Variants in C10orf105 observed in about 807,000 individuals in gnomAD.
C10orf105 encodes uncharacterized protein C10orf105.
C10orf105 carries 2 observed loss-of-function variants against 0.6 expected under a neutral mutation model. That is an observed-to-expected ratio of 3.18 (90% CI 1.30 to 10.01). C10orf105 has a LOEUF of 10.01. Among genes scored for constraint, C10orf105 ranks in the 30% most tolerant of loss-of-function variants. The probability of loss-of-function intolerance (pLI) is 0.04; values close to 1 mark genes in which losing one functional copy is unlikely to be tolerated. For missense variants in C10orf105, 209 were observed against 191.4 expected (o/e 1.09, Z -0.54); for synonymous variants, 95 against 82.4 (o/e 1.15, Z -0.83).
rs1286755074 is a variant in C10orf105, at chr10:71,713,066, C to T, written c.*2870G>A. On this transcript the variant is annotated 3_prime_UTR_variant, in exon 2 of 2. Transcript: ENST00000441508. ...ACAAACAGGAGGAAGACTTGGCCTC[C>T]CCCTGCATATCTCCCGCCCCACCCA... The T allele has an allele frequency of 1.3e-6, 1 of 743,800 alleles. No individual in the cohort carries two copies. Among genetic ancestry groups the T allele is most frequent in the East Asian group, 2.6e-5 (1 of 38,970 alleles). 46.1% of individuals were successfully genotyped at this position (743,800 alleles called of 1,614,324 possible).
At chr10:71,720,830 A>G (rs1866523130), upstream of C10orf105, among the ~76,000 whole-genome samples, 1 of 152,130 alleles carries the variant, frequency 6.6e-6, no homozygotes, top group Non-Finnish European at 1.5e-5. Flanking sequence ...AGGCCCAGAG[A>G]GGTGTGACCT....
chr10:71,715,718 A>G lies in C10orf105; in HGVS notation c.*218T>C, dbSNP rs367543357. 4.8e-4 allele frequency: 204 copies of G among 424,262 alleles called. No homozygotes were observed. Among genetic ancestry groups the G allele is most frequent in the Admixed American group, 1.5e-3 (37 of 24,954 alleles). 26.3% of individuals were successfully genotyped at this position (424,262 alleles called of 1,614,324 possible). On this transcript the variant is annotated 3_prime_UTR_variant, in exon 2 of 2. Coordinates refer to ENST00000441508, the MANE Select transcript of C10orf105 (RefSeq NM_001164375.3). ...TCTCTTGACCAGAAGTCTTTCATCA[A>G]GCAGCAGCGAGGGGGTCTGCAGAGA...
intron 1 of C10orf105, among the ~76,000 whole-genome samples, chr10:71,725,126 G>T (rs572193343): frequency 3.9e-4 from 60 of 152,352 alleles, no homozygotes; most frequent in African/African-American, 1.3e-3. Context: ...CAAGATGAAG[G>T]CTTTCAGGAA....
rs886047136 is a variant in C10orf105, at chr10:71,732,276, C to G, written c.-6+5452G>C. On this transcript the variant is annotated intron_variant, in intron 1 of 1. Coordinates refer to the C10orf105 transcript ENST00000398786. ...CACTGGGTACTGAGATTGTGCGGGT[C>G]CAGGCCTACTCCATCGACAACCTCA... 6.2e-7 allele frequency: 1 copy of G among 1,613,326 alleles called. No individual in the cohort carries two copies. Among genetic ancestry groups the G allele is most frequent in the Non-Finnish European group, 8.5e-7 (1 of 1,179,564 alleles).
chr10:71,734,876 G>A lies in C10orf105; in HGVS notation c.-6+2852C>T, dbSNP rs558278814. Among the ~76,000 whole-genome samples the A allele has an allele frequency of 5.3e-5, 8 of 152,368 alleles. No homozygotes were observed. In the East Asian group the frequency reaches 1.5e-3, roughly 29 times the overall value. On this transcript the variant is annotated intron_variant, in intron 1 of 1. Coordinates refer to the C10orf105 transcript ENST00000398786. The stretch of plus-strand genomic sequence containing the variant: ...AACTCTGTCCTCTGTGTCTTGCCTA[G>A]CCCCGGTAGGGTCTTGGGTGGGGAG...
At chr10:71,723,295 G>A (rs1351260000), upstream of C10orf105, among the ~76,000 whole-genome samples, 1 of 152,154 alleles carries the variant, frequency 6.6e-6, no homozygotes, top group Non-Finnish European at 1.5e-5. Flanking sequence ...TTCAGTTATT[G>A]GCTTGACAGG....
intron 1 of C10orf105, among the ~76,000 whole-genome samples, chr10:71,729,173 T>C (rs1186928739): frequency 6.6e-6 from 1 of 152,220 alleles, no homozygotes; most frequent in Non-Finnish European, 1.5e-5. Context: ...GTTCATGATG[T>C]ACAGTGCACA....
intron 1 of C10orf105, among the ~76,000 whole-genome samples, chr10:71,735,865 G>C (rs1839549546): frequency 1.3e-5 from 2 of 152,220 alleles, no homozygotes; most frequent in South Asian, 4.1e-4. Flanking sequence ...GCTCCCCAAG[G>C]GCAGCCGGTG....
In C10orf105 at chr10:71,731,428, C is replaced by T. The variant is rs140040447; in HGVS notation, c.-6+6300G>A. 7.8e-4 allele frequency among the ~76,000 whole-genome samples: 119 copies of T among 152,306 alleles called. No individual in the cohort carries two copies. In the East Asian group the frequency reaches 0.019, roughly 24 times the overall value. On this transcript the variant is annotated intron_variant, in intron 1 of 1. Transcript: ENST00000398786. Reference sequence around the variant, plus strand: ...ATGTTAGGAGAGTTTAGGGCACATACGCGGCTGTGGCCCCTTGAGGTCTGT... The same window carrying T: ...ATGTTAGGAGAGTTTAGGGCACATATGCGGCTGTGGCCCCTTGAGGTCTGT...
intron 1 of C10orf105, among the ~76,000 whole-genome samples, chr10:71,725,864 C>T (rs1375253160): frequency 6.6e-6 from 1 of 151,388 alleles, no homozygotes; most frequent in East Asian, 1.9e-4. Context: ...GGTACAGATG[C>T]TAACCTCATT....
chr10:71,712,500 A>C lies in C10orf105; in HGVS notation c.*3436T>G. On this transcript the variant is annotated 3_prime_UTR_variant, in exon 2 of 2. Coordinates refer to ENST00000441508, the MANE Select transcript of C10orf105 (RefSeq NM_001164375.3). ...TGTTATCTAAGTATTTGATACTGTT[A>C]GTGTTATTCCTAAGCTAAAAAGGAA... 1.5e-6 allele frequency: 1 copy of C among 650,694 alleles called. No homozygotes were observed. Among genetic ancestry groups the C allele is most frequent in the Non-Finnish European group, 2.7e-6 (1 of 369,778 alleles). 40.3% of individuals were successfully genotyped at this position (650,694 alleles called of 1,614,324 possible).
In C10orf105 at chr10:71,713,744, C is replaced by A. The variant is rs116677999; in HGVS notation, c.*2192G>T. 987 of 166,036 alleles carry A rather than the reference C, an allele frequency of 5.9e-3. 14 individuals carry two copies. The highest frequency in any genetic ancestry group is 0.023 in the African/African-American group (955 of 41,632). The allele number at this position is 166,036 out of a possible 1,614,324, so 10.3% of individuals were successfully genotyped here. On this transcript the variant is annotated 3_prime_UTR_variant, in exon 2 of 2. Transcript: ENST00000441508. The stretch of plus-strand genomic sequence containing the variant: ...CTGAAACCCAATTGAGAGCCCTCCC[C>A]CTCCTGGACTTTTCCTTCTTCAGGC...
In C10orf105 at chr10:71,719,727, C is replaced by T. The variant is rs1866459743; in HGVS notation, c.-106G>A. The T allele has an allele frequency of 6.6e-6, 1 of 152,400 alleles. No homozygotes were observed. Among genetic ancestry groups the T allele is most frequent in the South Asian group, 2.1e-4 (1 of 4,842 alleles). 9.4% of individuals were successfully genotyped at this position (152,400 alleles called of 1,614,324 possible). A position where few individuals can be genotyped will look rare whatever the true frequency, so the allele number is the denominator to read the frequency against. On this transcript the variant is annotated 5_prime_UTR_variant, in exon 1 of 2. Coordinates refer to ENST00000441508, the MANE Select transcript of C10orf105 (RefSeq NM_001164375.3). ...CTGGGCAGTGCCTGTGACCCCAGCCCTGCCAGGCTCTGCTGTGCCCTGCAG... is the reference window on the plus strand; with the variant it reads ...CTGGGCAGTGCCTGTGACCCCAGCCTTGCCAGGCTCTGCTGTGCCCTGCAG...
chr10:71,730,683 C>T (rs906162544), intron 1 of C10orf105: 13 of 1,573,812 alleles, frequency 8.3e-6, no homozygotes, highest in Middle Eastern at 2.0e-4. Context: ...TCCTTCGAAA[C>T]GGTCATCCCT....
chr10:71,734,061 C>T (rs1839478024), intron 1 of C10orf105, among the ~76,000 whole-genome samples: 1 of 152,206 alleles, frequency 6.6e-6, no homozygotes, highest in African/African-American at 2.4e-5. Flanking sequence ...AGGAAGGCTT[C>T]ATGGAAGAGG....
upstream of C10orf105, chr10:71,723,951 A>C: frequency 7.3e-7 from 1 of 1,375,716 alleles, no homozygotes; most frequent in Non-Finnish European, 1.0e-6. Flanking sequence ...AGGATGGGGT[A>C]GGATGCGTGA....
chr10:71,716,136 G>T lies in C10orf105; in HGVS notation c.202C>A (p.Arg68Ser), dbSNP rs760403862. Residue 68 changes from arginine to serine, a missense_variant, in exon 2 of 2, where the codon CGC (arginine) becomes AGC (serine). Coordinates refer to ENST00000441508, the MANE Select transcript of C10orf105 (RefSeq NM_001164375.3). ...GGCATGCACTCGTGAGCCCTGCGGC[G>T]GCTCGGGTCCAGCGCGGCCGGCTTG... is the stretch of plus-strand genomic sequence containing the variant. ...LCKPAALDPS[R>S]RRAHECMPHH... 6.5e-7 allele frequency: 1 copy of T among 1,550,188 alleles called. No individual in the cohort carries two copies. The highest frequency in any genetic ancestry group is 2.0e-5 in the Admixed American group (1 of 50,894).
At chr10:71,717,483 TC>T (rs1398540974) in intron 1 of C10orf105, 1 of 152,286 alleles carries the variant, frequency 6.6e-6, no homozygotes, top group Non-Finnish European at 1.5e-5. Context: ...GCATTTCCTT[TC>T]CCACTGAAGA....
chr10:71,735,992 T>C (rs762537402), intron 1 of C10orf105, among the ~76,000 whole-genome samples: 2 of 152,196 alleles, frequency 1.3e-5, no homozygotes, highest in Non-Finnish European at 2.9e-5. Flanking sequence ...TCTTCATTCA[T>C]ACAATGGGCC....
Sources: gnomAD v4.1 joint callset for allele counts (sites outside exome capture counted in the v4.1 genomes callset) on GRCh38, gnomAD v4.1.1 for gene constraint, MANE v1.5 for transcripts, NCBI Gene and HGNC (gene_info 2026-07-23, HGNC 2026-07-21) for gene names.